Variants in ACSF2 observed in about 807,000 individuals in gnomAD.
ACSF2 encodes medium-chain acyl-CoA ligase ACSF2, mitochondrial.
ACSF2 carries 52 observed loss-of-function variants against 79.3 expected under a neutral mutation model. The ratio of observed to expected loss-of-function variants is 0.66; its 90% confidence interval spans 0.53 to 0.83. The LOEUF is 0.83. Among genes scored for constraint, ACSF2 ranks in the 40% least tolerant of loss-of-function variants. The probability of loss-of-function intolerance (pLI) is 0.00; values close to 1 mark genes in which losing one functional copy is unlikely to be tolerated. For missense variants in ACSF2, 661 were observed against 803.3 expected, an observed-to-expected ratio of 0.82 and a Z score of 2.14; for synonymous variants, 283 against 312.6, an observed-to-expected ratio of 0.91 and a Z score of 1.00.
chr17:50,457,502 A>G (rs2032085015), intron 1 of ACSF2, among the ~76,000 whole-genome samples: 1 of 152,210 alleles, frequency 6.6e-6, no homozygotes, highest in South Asian at 2.1e-4. Flanking sequence ...CACAGATTTC[A>G]TAGACATATG....
chr17:50,468,285 A>T (rs773202817), intron 10 of ACSF2: 1 of 1,612,788 alleles, frequency 6.2e-7, no homozygotes, highest in African/African-American at 1.3e-5. Flanking sequence ...TCCGACAGGT[A>T]GAGCCAGCGC....
At chr17:50,466,695 C>T (rs892162329) in intron 10 of ACSF2, among the ~76,000 whole-genome samples, 17 of 152,360 alleles carry the variant, frequency 1.1e-4, no homozygotes, top group South Asian at 2.1e-4. Flanking sequence ...GCCAGCCAGA[C>T]GCTATTTGTG....
chr17:50,468,922 C>A (rs1160001469), intron 10 of ACSF2: 4 of 1,408,454 alleles, frequency 2.8e-6, no homozygotes, highest in Non-Finnish European at 3.7e-6. Context: ...GTGGCCCTGA[C>A]CGCAGCCGGC....
chr17:50,460,606 G>A, intron 1 of ACSF2, 71 bp from the exon 2 acceptor site: 3 of 1,435,744 alleles, frequency 2.1e-6, no homozygotes, highest in Non-Finnish European at 1.9e-6. Flanking sequence ...TGGCTTGGCT[G>A]GGTGTGCCAT....
intron 10 of ACSF2, chr17:50,464,777 G>GGAT (rs1491226384): frequency 3.3e-5 from 11 of 331,048 alleles, no homozygotes; most frequent in South Asian, 2.5e-4. Flanking sequence ...CTTGGGGGGG[G>GGAT]GGTCTCAGCA....
At chr17:50,435,348 C>T (rs1347180981) in intron 1 of ACSF2, among the ~76,000 whole-genome samples, 1 of 144,606 alleles carries the variant, frequency 6.9e-6, no homozygotes, top group Admixed American at 7.0e-5. Context: ...TGTTTTTCCC[C>T]ACTTTGTAGC....
At chr17:50,443,265 G>A (rs927120705) in intron 1 of ACSF2, among the ~76,000 whole-genome samples, 3 of 152,158 alleles carry the variant, frequency 2.0e-5, no homozygotes, top group African/African-American at 7.2e-5. Context: ...ATCCCTAAAA[G>A]TAGAATTGCC....
intron 10 of ACSF2, chr17:50,465,231 T>C: frequency 6.3e-7 from 1 of 1,599,708 alleles, no homozygotes; most frequent in East Asian, 2.2e-5. Flanking sequence ...TCCTGGAAGA[T>C]ACCAGCTCAC....
At chr17:50,464,049 G>GGCCCC in intron 9 of ACSF2, 140 bp downstream of exon 9, 1 of 573,804 alleles carries the variant, frequency 1.7e-6, no homozygotes, top group Non-Finnish European at 3.1e-6. Flanking sequence ...GGGAGGGAGG[G>GGCCCC]AGATCCCCAG....
intron 11 of ACSF2, 36 bp from the exon 12 acceptor site, chr17:50,472,392 G>T: frequency 6.2e-7 from 1 of 1,600,868 alleles, no homozygotes; most frequent in East Asian, 2.3e-5. Context: ...GAAGCAAGAG[G>T]ATAGGAAGCC....
At chr17:50,468,470 C>T (rs778972579) in intron 10 of ACSF2, 11 of 1,614,100 alleles carry the variant, frequency 6.8e-6, no homozygotes, top group Non-Finnish European at 8.5e-6. Context: ...GGCACCTGCG[C>T]GCAGCACGCG....
At chr17:50,462,715 C>G (rs2032425503) in intron 6 of ACSF2, 130 bp downstream of exon 6, 1 of 1,097,182 alleles carries the variant, frequency 9.1e-7, no homozygotes, top group African/African-American at 1.6e-5. Context: ...TTCAGCTGTC[C>G]TCTCTGCCCT....
chr17:50,468,556 C>A, intron 10 of ACSF2: 1 of 1,614,260 alleles, frequency 6.2e-7, no homozygotes, highest in Non-Finnish European at 8.5e-7. Flanking sequence ...CCTCGCGGAT[C>A]TGGCAGTGCT....
At position 50,471,262 on chromosome 17, in the gene ACSF2, G is replaced by A; in HGVS notation, c.1323+127G>A. On this transcript the variant is annotated intron_variant, in intron 11 of 15. Coordinates refer to ENST00000300441, the MANE Select transcript of ACSF2 (RefSeq NM_025149.6). This position sits in a 1 kb window ranked among gnomAD's most constrained non-coding sequence, Gnocchi z 4.1. ...CACTCAGGATGCCTAGAGCCCCCCA[G>A]CAGCAGGGGTGTGCTAGGCCTGGCC... 1.4e-6 allele frequency: 1 copy of A among 737,284 alleles called. No individual in the cohort carries two copies. The highest frequency in any genetic ancestry group is 2.3e-6 in the Non-Finnish European group (1 of 426,328). The allele number at this position is 737,284 out of a possible 1,614,324, so 45.7% of individuals were successfully genotyped here.
rs963122801 is a variant in ACSF2 at position 50,474,478 on chromosome 17, C to G, written c.1798-24C>G. 5.0e-6 allele frequency: 8 copies of G among 1,613,360 alleles called. No homozygotes were observed. Among genetic ancestry groups the G allele is most frequent in the Non-Finnish European group, 5.1e-6 (6 of 1,179,342 alleles). ...GGGTGAACCAAGACAGCTGGTAACC[C>G]TAACTCCATTTTCTTTCCTCTAGAT... On this transcript the variant is annotated intron_variant, in intron 15 of 15. Transcript: ENST00000300441. The surrounding 1 kb of genome is among the most constrained non-coding windows in gnomAD (Gnocchi z 4.2).
intron 1 of ACSF2, among the ~76,000 whole-genome samples, chr17:50,436,075 T>C (rs939545386): frequency 6.6e-6 from 1 of 152,166 alleles, no homozygotes; most frequent in South Asian, 2.1e-4. Context: ...ATATAGAATG[T>C]GAGACTTAGT....
rs2033098780 is a variant in ACSF2 at position 50,471,116 on chromosome 17, G to A, written c.1304G>A (p.Arg435Lys). 6.2e-7 allele frequency: 1 copy of A among 1,614,038 alleles called. No individual in the cohort carries two copies. The highest frequency in any genetic ancestry group is 1.3e-5 in the African/African-American group (1 of 75,006). The change falls in exon 11 of 16, where the codon AGA becomes AAA. Residue 435 changes from arginine (R) to lysine (K), a missense_variant. Arg to Lys is a conservative substitution (Grantham distance 26, BLOSUM62 2). Transcript: ENST00000300441. The surrounding 1 kb of genome is among the most constrained non-coding windows in gnomAD (Gnocchi z 4.1). ...TVEQKAESVGRIMPHTEARIM... is the reference protein window; with the variant it reads ...TVEQKAESVGKIMPHTEARIM... ...GAGCAGAAGGCAGAAAGCGTGGGCA[G>A]AATTATGCCTCACACGGAGGTGAGC...
intron 1 of ACSF2, 21 bp from the exon 2 acceptor site, chr17:50,460,656 C>A: frequency 6.3e-7 from 1 of 1,599,114 alleles, no homozygotes; most frequent in Non-Finnish European, 8.5e-7. Context: ...ACAGTCAAAC[C>A]CATAGCTCCT....
At chr17:50,447,629 C>A (rs1555608983) in intron 1 of ACSF2, among the ~76,000 whole-genome samples, 3 of 151,862 alleles carry the variant, frequency 2.0e-5, no homozygotes, top group Non-Finnish European at 4.4e-5. Context: ...GAGTTTTTTT[C>A]TTTTTTTGTT....
Sources: allele counts gnomAD v4.1 joint callset (sites outside exome capture counted in the v4.1 genomes callset), GRCh38; gene constraint gnomAD v4.1.1; non-coding constraint Gnocchi (gnomAD v3.1); transcripts MANE v1.5; gene names NCBI Gene and HGNC (gene_info 2026-07-23, HGNC 2026-07-21).